PDE10A: variants seen among roughly 807,000 people sequenced by gnomAD.
PDE10A encodes the protein phosphodiesterase 10A.
A neutral mutation model predicts 97.7 loss-of-function variants in PDE10A; 39 were observed. That is an observed-to-expected ratio of 0.40 (90% CI 0.31 to 0.52). The LOEUF is 0.52. Ranked by LOEUF, PDE10A falls within the 20% of genes least tolerant of loss-of-function variation. PDE10A has a pLI of 0.56. For synonymous variants in PDE10A, 371 were observed against 376.8 expected (o/e 0.98, Z 0.18); for missense variants, 731 against 1,047.8 (o/e 0.70, Z 4.17).
chr6:165,678,195 A>G (rs1790868239), intron 1 of PDE10A, among the ~76,000 whole-genome samples: 1 of 135,158 alleles, frequency 7.4e-6, no homozygotes, highest in Admixed American at 7.3e-5. Flanking sequence ...GTGTCTGTGT[A>G]TGTATATGTG....
chr6:165,491,177 A>T (rs1029638707), intron 2 of PDE10A, among the ~76,000 whole-genome samples: 3 of 152,182 alleles, frequency 2.0e-5, no homozygotes, highest in Non-Finnish European at 2.9e-5. Flanking sequence ...TTATATAATA[A>T]TAAAAGAACT....
At chr6:165,454,992 T>C (rs77614435) in intron 3 of PDE10A, among the ~76,000 whole-genome samples, 37 of 152,274 alleles carry the variant, frequency 2.4e-4, no homozygotes, top group African/African-American at 8.9e-4. Context: ...AATCCTACTA[T>C]GCCACCAAAA....
chr6:165,352,671 A>G (rs2128187407), intron 18 of PDE10A, among the ~76,000 whole-genome samples: 1 of 152,242 alleles, frequency 6.6e-6, no homozygotes, highest in South Asian at 2.1e-4. Context: ...CAATGCATCT[A>G]GACAGAGACC....
Position 165,752,881 on chromosome 6 carries a change from A to C in PDE10A, c.-614-209313T>G, listed in dbSNP as rs76336544. On this transcript the variant is annotated intron_variant, in intron 1 of 19. Coordinates refer to the PDE10A transcript ENST00000366882. ...AGGTAAGGAAGTCACCTGCTAACAG[A>C]TGCTGCTCGACGTATGAATTACATT... 9.6e-3 allele frequency among the ~76,000 whole-genome samples: 1,463 copies of C among 152,344 alleles called. 13 individuals carry two copies. The highest frequency in any genetic ancestry group is 0.015 in the Non-Finnish European group (1,018 of 68,034).
At chr6:165,934,486 C>A (rs1306222707) in intron 1 of PDE10A, among the ~76,000 whole-genome samples, 1 of 151,936 alleles carries the variant, frequency 6.6e-6, no homozygotes, top group East Asian at 1.9e-4. Flanking sequence ...CAAAAAAAAA[C>A]CCTCTGGATC....
chr6:165,407,644 T>C (rs531384949), intron 13 of PDE10A, among the ~76,000 whole-genome samples: 1 of 152,366 alleles, frequency 6.6e-6, no homozygotes, highest in East Asian at 1.9e-4. Flanking sequence ...AACCAACTAA[T>C]TTCATTTTAA....
chr6:165,663,977 T>G (rs894428048), upstream of PDE10A, among the ~76,000 whole-genome samples: 5 of 152,178 alleles, frequency 3.3e-5, no homozygotes, highest in African/African-American at 1.2e-4. Context: ...CGCACACAGA[T>G]GCACAGGTGT....
At chr6:165,714,833 C>T (rs1168785309) in intron 1 of PDE10A, among the ~76,000 whole-genome samples, 1 of 152,256 alleles carries the variant, frequency 6.6e-6, no homozygotes, top group Non-Finnish European at 1.5e-5. Context: ...GGCCCAGTCC[C>T]AACCCACAGC....
intron 1 of PDE10A, among the ~76,000 whole-genome samples, chr6:165,920,054 C>A (rs753739020): frequency 1.3e-5 from 2 of 152,176 alleles, no homozygotes; most frequent in Non-Finnish European, 2.9e-5. Flanking sequence ...TTCTTTGCTG[C>A]CTGTTTTATA....
Position 165,467,308 on chromosome 6 carries a change from G to C in PDE10A, c.1023+15007C>G, listed in dbSNP as rs115103451. On this transcript the variant is annotated intron_variant, in intron 3 of 21. Coordinates refer to ENST00000539869, the MANE Select transcript of PDE10A (RefSeq NM_001385079.1). ...AATGGATGAAAGTGGCTATCCTAGA[G>C]AGTGGATTTTCAAAGCAGACGAAAC... Among the ~76,000 whole-genome samples the C allele has an allele frequency of 3.3e-3, 502 of 152,336 alleles. 7 individuals carry two copies. Among genetic ancestry groups the C allele is most frequent in the African/African-American group, 0.012 (482 of 41,582 alleles).
rs533208799 is a variant in PDE10A, at chr6:165,797,981, C to T, written c.-615+189548G>A. 2.0e-5 allele frequency among the ~76,000 whole-genome samples: 3 copies of T among 152,152 alleles called. No homozygotes were observed. The South Asian group carries it at 6.2e-4, about 31-fold the overall frequency. On this transcript the variant is annotated intron_variant, in intron 1 of 19. Transcript: ENST00000366882. Reference sequence around the variant, plus strand: ...AACAACAGAGTTGGCTAATTCAGGTCACTTTCTAAGTTAAAGGTTTATAAA... The same window carrying T: ...AACAACAGAGTTGGCTAATTCAGGTTACTTTCTAAGTTAAAGGTTTATAAA...
In PDE10A at chr6:165,346,890, G is replaced by T. The variant is rs1363677923; in HGVS notation, c.2784-3388C>A. On this transcript the variant is annotated intron_variant, in intron 18 of 21. Coordinates refer to ENST00000539869, the MANE Select transcript of PDE10A (RefSeq NM_001385079.1). ...GCAAAGACCAGAATTCTGTTATGAG[G>T]TAGTCTTAATTATTACTGTGAGAGT... Among the ~76,000 whole-genome samples, 1,032 of 152,260 alleles carry T rather than the reference G, an allele frequency of 6.8e-3. 10 individuals carry two copies. Among genetic ancestry groups the T allele is most frequent in the African/African-American group, 0.024 (990 of 41,536 alleles).
intron 2 of PDE10A, among the ~76,000 whole-genome samples, chr6:165,539,776 T>C (rs1194978006): frequency 6.6e-6 from 1 of 151,130 alleles, no homozygotes; most frequent in Non-Finnish European, 1.5e-5. Context: ...AAAATACAAA[T>C]AGTAGCCGGG....
At chr6:165,469,684 G>T (rs964364343) in intron 3 of PDE10A, among the ~76,000 whole-genome samples, 2 of 152,088 alleles carry the variant, frequency 1.3e-5, no homozygotes, top group Admixed American at 6.6e-5. Context: ...TTCCATCTGG[G>T]TGAGAAATTC....
intron 1 of PDE10A, among the ~76,000 whole-genome samples, chr6:165,603,844 C>T (rs79248199): frequency 0.021 from 3,205 of 152,256 alleles, 105 homozygotes; most frequent in African/African-American, 0.07. Flanking sequence ...CACTAGGGAA[C>T]GGATGAATAA....
chr6:165,504,588 T>C (rs1022139001), intron 2 of PDE10A, among the ~76,000 whole-genome samples: 7 of 152,156 alleles, frequency 4.6e-5, no homozygotes, highest in African/African-American at 1.7e-4. Context: ...CTTTTGGTAC[T>C]GAACACTGTG....
rs1432989572 is a variant in PDE10A, at chr6:165,327,622, CAT to C, written c.*5401_*5402del. 1 of 152,174 alleles carries C rather than the reference CAT, an allele frequency of 6.6e-6. No individual in the cohort carries two copies. Among genetic ancestry groups the C allele is most frequent in the Non-Finnish European group, 1.5e-5 (1 of 68,022 alleles). The allele number at this position is 152,174 out of a possible 1,614,324, so 9.4% of individuals were successfully genotyped here. On this transcript the variant is annotated 3_prime_UTR_variant, in exon 22 of 22. Transcript: ENST00000539869. ...AATGAATACATGAAAAAATTACACA[CAT>C]GTACAATATTTATAATTTATAAATG... is the stretch of plus-strand genomic sequence containing the variant.
chr6:165,868,815 T>C (rs1056730051), intron 1 of PDE10A, among the ~76,000 whole-genome samples: 4 of 151,914 alleles, frequency 2.6e-5, no homozygotes, highest in Non-Finnish European at 5.9e-5. Flanking sequence ...AAAAAGATAA[T>C]ACACCATGGT....
chr6:165,943,346 G>GAAAAGAAAGAAAGAAAGAAAGAAAGAA (rs369730730), intron 1 of PDE10A, among the ~76,000 whole-genome samples: 8 of 79,576 alleles, frequency 1.0e-4, no homozygotes, highest in Non-Finnish European at 1.3e-4. Context: ...AGAAAGAAAA[G>GAAAAGAAAGAAAGAAAGAAAGAAAGAA]AGAAAGAAAG....
Sources: gnomAD v4.1 joint callset for allele counts (sites outside exome capture counted in the v4.1 genomes callset) on GRCh38, gnomAD v4.1.1 for gene constraint, MANE v1.5 for transcripts, NCBI Gene and HGNC (gene_info 2026-07-23, HGNC 2026-07-21) for gene names.